The following DIAPH1 variants were observed in gnomAD, a reference collection of about 807,000 sequenced individuals.
DIAPH1 encodes diaphanous related formin 1, also known as protein diaphanous homolog 1.
Under a neutral mutation model 140.7 loss-of-function variants are expected in DIAPH1, and 46 were observed. The observed-to-expected ratio is 0.33, with a 90% CI of 0.26 to 0.42. DIAPH1 has a LOEUF of 0.42. Ranked by LOEUF, DIAPH1 falls within the 10% of genes least tolerant of loss-of-function variation. The pLI, the probability that DIAPH1 is intolerant of heterozygous loss-of-function variation, is 1.00. For missense variants in DIAPH1, 1,310 were observed against 1,558.7 expected, an observed-to-expected ratio of 0.84 and a Z score of 2.69; for synonymous variants, 565 against 551.6, an observed-to-expected ratio of 1.02 and a Z score of -0.34.
chr5:141,532,025 C>A (rs1339129320), intron 19 of DIAPH1, among the ~76,000 whole-genome samples: 2 of 152,170 alleles, frequency 1.3e-5, no homozygotes, highest in African/African-American at 4.8e-5. Context: ...AAAAATTACA[C>A]AGGATAATCT....
chr5:141,560,055 T>C (rs1322853174), intron 18 of DIAPH1, among the ~76,000 whole-genome samples: 1 of 152,218 alleles, frequency 6.6e-6, no homozygotes, highest in Non-Finnish European at 1.5e-5. Flanking sequence ...GATGACTTTT[T>C]AAAAAATGCC....
chr5:141,585,616 A>G (rs2099897425), intron 3 of DIAPH1, among the ~76,000 whole-genome samples: 1 of 152,108 alleles, frequency 6.6e-6, no homozygotes, highest in Admixed American at 6.5e-5. Flanking sequence ...CCTGGCCAAC[A>G]TGATGAAACC....
At chr5:141,537,488 A>AT (rs1433201379) in intron 18 of DIAPH1, among the ~76,000 whole-genome samples, 13 of 146,288 alleles carry the variant, frequency 8.9e-5, no homozygotes, top group African/African-American at 3.2e-4. Flanking sequence ...CGTCTCAAAA[A>AT]AAAAAAAAAA....
intron 1 of DIAPH1, among the ~76,000 whole-genome samples, chr5:141,590,060 T>A (rs1024131842): frequency 2.0e-5 from 3 of 152,248 alleles, no homozygotes; most frequent in Admixed American, 2.0e-4. Context: ...TGGTAAATGC[T>A]TCTTGAATAA....
intron 14 of DIAPH1, among the ~76,000 whole-genome samples, chr5:141,575,851 T>C (rs1486410094): frequency 6.6e-6 from 1 of 152,170 alleles, no homozygotes; most frequent in Non-Finnish European, 1.5e-5. Context: ...TCTTAAAAAC[T>C]GAAGAGAAAA....
rs1596405145 is a variant in DIAPH1, at chr5:141,601,688, G to T, written c.118-13438C>A. The stretch of plus-strand genomic sequence containing the variant: ...AATCATGTCTTATTCAACTGATGTG[G>T]CCCACATTTTAATAAATAAATTTTA... On this transcript the variant is annotated intron_variant, in intron 1 of 27. Coordinates refer to ENST00000389054, the MANE Select transcript of DIAPH1 (RefSeq NM_005219.5). Among the ~76,000 whole-genome samples, 4 of 152,228 alleles carry T rather than the reference G, an allele frequency of 2.6e-5. No individual in the cohort carries two copies. In the East Asian group the frequency reaches 7.7e-4, roughly 29 times the overall value.
chr5:141,583,116 A>T, intron 6 of DIAPH1, 90 bp downstream of exon 6: 1 of 1,154,152 alleles, frequency 8.7e-7, no homozygotes, highest in Non-Finnish European at 1.3e-6. Context: ...CCACAACTTT[A>T]CATTTAACTG....
chr5:141,518,753 GC>G (rs1229261695), intron 27 of DIAPH1: 6 of 633,452 alleles, frequency 9.5e-6, no homozygotes, highest in Non-Finnish European at 1.7e-5. Context: ...GAACTCCTGG[GC>G]TCAAGCAATC....
rs750890653 is a variant in DIAPH1 at position 141,528,738 on chromosome 5, A to G, written c.2982T>C (p.Ala994=). The G allele has an allele frequency of 1.5e-5, 25 of 1,614,258 alleles. No individual in the cohort carries two copies. The highest frequency in any genetic ancestry group is 2.1e-5 in the Non-Finnish European group (25 of 1,180,048). Residue 994 remains alanine (A), a synonymous_variant, in exon 22 of 28, where the codon GCT becomes GCC. Coordinates refer to ENST00000389054, the MANE Select transcript of DIAPH1 (RefSeq NM_005219.5). ...GNYMNAGSRN[A]GAFGFNISFL... ...AGCTGATATTGAAGCCAAAAGCACC[A>G]GCATTTCTGGAGCCAGCATTCATGT...
At chr5:141,550,750 C>T (rs1046170065) in intron 18 of DIAPH1, among the ~76,000 whole-genome samples, 1 of 152,188 alleles carries the variant, frequency 6.6e-6, no homozygotes, top group African/African-American at 2.4e-5. Flanking sequence ...GCTGGGAATA[C>T]AGGTGCACAC....
chr5:141,546,806 C>T (rs1021547576), intron 18 of DIAPH1, among the ~76,000 whole-genome samples: 27 of 152,190 alleles, frequency 1.8e-4, no homozygotes, highest in Non-Finnish European at 1.2e-4. Context: ...CAAGCTTTTC[C>T]AAAACCACAA....
Position 141,579,132 on chromosome 5 carries a change from G to A in DIAPH1, c.889C>T (p.Pro297Ser). ...AEMDEVERFQ[P>S]LLDGLKSGTT... is the part of the protein sequence containing the mutation. ...CCACTTTTTAATCCATCCAGCAGCG[G>A]CTGGAAACGTTCCACTTCATCCATC... The change falls in exon 9 of 28, where the codon CCG (proline) becomes TCG (serine). Residue 297 changes from proline to serine, a missense_variant. Transcript: ENST00000389054. The A allele has an allele frequency of 1.9e-6, 3 of 1,614,128 alleles. No homozygotes were observed. Among genetic ancestry groups the A allele is most frequent in the Non-Finnish European group, 2.5e-6 (3 of 1,179,974 alleles).
Position 141,574,106 on chromosome 5 carries a change from C to G in DIAPH1, c.1744G>C (p.Val582Leu), listed in dbSNP as rs746371106. The G allele has an allele frequency of 2.6e-5, 42 of 1,613,720 alleles. No homozygotes were observed. Among genetic ancestry groups the G allele is most frequent in the Non-Finnish European group, 3.4e-5 (40 of 1,179,944 alleles). The change falls in exon 16 of 28, where the codon GTT becomes CTT. Residue 582 changes from valine to leucine, a missense_variant. Around this residue, in one of 3 missense-constraint regions of DIAPH1, gnomAD observed 589 missense variants for 549.3 expected, o/e 1.07. Coordinates refer to ENST00000389054, the MANE Select transcript of DIAPH1 (RefSeq NM_005219.5). The stretch of plus-strand genomic sequence containing the variant: ...CCAGGTAAAGGAGGGGCAGGGGGAA[C>G]AGGAGCACGACTAGGAACAGAAGGA... Reference protein sequence around the residue: ...VPPSVPSRAPVPPAPPLPGDS... With the variant: ...VPPSVPSRAPLPPAPPLPGDS...
At position 141,575,127 on chromosome 5, in the gene DIAPH1, G is replaced by A; in HGVS notation, c.1481C>T (p.Ala494Val). The A allele has an allele frequency of 6.2e-7, 1 of 1,614,154 alleles. No homozygotes were observed. Among genetic ancestry groups the A allele is most frequent in the Non-Finnish European group, 8.5e-7 (1 of 1,180,036 alleles). The change falls in exon 15 of 28, where the codon GCC becomes GTC. Residue 494 changes from alanine (A) to valine (V), a missense_variant. This residue lies in a region of DIAPH1 where 589 missense variants were observed against 549.3 expected (regional missense o/e 1.07). Coordinates refer to ENST00000389054, the MANE Select transcript of DIAPH1 (RefSeq NM_005219.5). ...CATTTCCACCTGTAGCTCATGTCGG[G>A]CTGTTAACTCTGAGTCCAACTAGAG... is the stretch of plus-strand genomic sequence containing the variant. Reference protein sequence around the residue: ...LEKKLDSELTARHELQVEMKK... With the variant: ...LEKKLDSELTVRHELQVEMKK...
At chr5:141,549,370 A>AAT (rs1487604269) in intron 18 of DIAPH1, among the ~76,000 whole-genome samples, 1 of 152,174 alleles carries the variant, frequency 6.6e-6, no homozygotes, top group African/African-American at 2.4e-5. Context: ...AAAAATATCC[A>AAT]ATAATTTAGT....
At chr5:141,537,654 T>C (rs908645702) in intron 18 of DIAPH1, among the ~76,000 whole-genome samples, 1 of 151,100 alleles carries the variant, frequency 6.6e-6, no homozygotes, top group African/African-American at 2.4e-5. Context: ...CAAAATGGAG[T>C]AGCTTCATGT....
At chr5:141,605,235 T>C (rs544372993) in intron 1 of DIAPH1, among the ~76,000 whole-genome samples, 16 of 152,302 alleles carry the variant, frequency 1.1e-4, no homozygotes, top group Admixed American at 4.6e-4. Context: ...TTTCAAAGAT[T>C]AGAAAGCTGG....
intron 3 of DIAPH1, 108 bp from the exon 4 acceptor site, chr5:141,584,333 TTAAG>T (rs201666448): frequency 1.4e-6 from 1 of 693,170 alleles, no homozygotes; most frequent in East Asian, 2.7e-5. Flanking sequence ...TGTAAAATGC[TTAAG>T]TAAATAAATC....
At chr5:141,588,786 T>G (rs1187664960) in intron 1 of DIAPH1, 1 of 163,444 alleles carries the variant, frequency 6.1e-6, no homozygotes, top group Non-Finnish European at 1.3e-5. Context: ...TCTACCCTGC[T>G]GAATTTTGCA....
Sources: allele counts gnomAD v4.1 joint callset (sites outside exome capture counted in the v4.1 genomes callset), GRCh38; gene constraint gnomAD v4.1.1; regional missense constraint gnomAD v4.1.1; transcripts MANE v1.5; gene names NCBI Gene and HGNC (gene_info 2026-07-23, HGNC 2026-07-21).